MSI2: variants seen among roughly 807,000 people sequenced by gnomAD.
MSI2 encodes the protein RNA-binding protein Musashi homolog 2.
MSI2 carries 17 observed loss-of-function variants against 45.6 expected under a neutral mutation model. That is an observed-to-expected ratio of 0.37 (90% CI 0.26 to 0.56). The LOEUF (loss-of-function observed/expected upper bound fraction) is 0.56, where lower values mean the gene tolerates loss of function less well. Ranked by LOEUF, MSI2 falls within the 20% of genes least tolerant of loss-of-function variation. MSI2 has a pLI of 0.77. For missense variants in MSI2, 293 were observed against 444.2 expected, an observed-to-expected ratio of 0.66 and a Z score of 3.06; for synonymous variants, 156 against 158.2, an observed-to-expected ratio of 0.99 and a Z score of 0.11.
chr17:57,432,215 A>T (rs1271695408), intron 6 of MSI2, among the ~76,000 whole-genome samples: 1 of 152,162 alleles, frequency 6.6e-6, no homozygotes, highest in Non-Finnish European at 1.5e-5. Context: ...AAGGGATTTT[A>T]GTTTCCTTGT....
At chr17:57,488,544 C>T (rs188631367) in intron 6 of MSI2, among the ~76,000 whole-genome samples, 39 of 152,140 alleles carry the variant, frequency 2.6e-4, no homozygotes, top group African/African-American at 1.7e-4. Context: ...AGATCCTGGC[C>T]GGGCGCAGTG....
chr17:57,572,099 C>A (rs2087894164), intron 7 of MSI2, among the ~76,000 whole-genome samples: 1 of 152,206 alleles, frequency 6.6e-6, no homozygotes, highest in Non-Finnish European at 1.5e-5. Context: ...CAAGTCAGGA[C>A]AGGTGACCCT....
intron 9 of MSI2, among the ~76,000 whole-genome samples, chr17:57,619,817 C>CT (rs1190289439): frequency 3.3e-5 from 5 of 152,208 alleles, no homozygotes; most frequent in Non-Finnish European, 7.3e-5. Flanking sequence ...CTGCCCAGCT[C>CT]TTCCCCCGTC....
Position 57,596,616 on chromosome 17 carries a change from C to A in MSI2, c.455-252C>A, listed in dbSNP as rs570169955. On this transcript the variant is annotated intron_variant, in intron 7 of 13. Coordinates refer to ENST00000284073, the MANE Select transcript of MSI2 (RefSeq NM_138962.4). The surrounding 1 kb of genome is among the most constrained non-coding windows in gnomAD (Gnocchi z 4.6). ...AGACAAGTAAATTTCTTGTTTGCTTCGGGGCAAATGTAAACCACACAGTGC... is the reference window on the plus strand; with the variant it reads ...AGACAAGTAAATTTCTTGTTTGCTTAGGGGCAAATGTAAACCACACAGTGC... Among the ~76,000 whole-genome samples the A allele has an allele frequency of 6.6e-6, 1 of 152,322 alleles. No homozygotes were observed. Among genetic ancestry groups the A allele is most frequent in the South Asian group, 2.1e-4 (1 of 4,830 alleles).
intron 7 of MSI2, among the ~76,000 whole-genome samples, chr17:57,582,598 A>G (rs533633575): frequency 1.3e-5 from 2 of 152,314 alleles, no homozygotes; most frequent in South Asian, 2.1e-4. Context: ...ACCTCACAAG[A>G]TAAACAGATC....
At chr17:57,288,304 C>T (rs1411488410) in intron 5 of MSI2, among the ~76,000 whole-genome samples, 4 of 152,176 alleles carry the variant, frequency 2.6e-5, no homozygotes, top group Non-Finnish European at 4.4e-5. Context: ...CAGCTGTTGT[C>T]GCTGGGACAG....
intron 7 of MSI2, among the ~76,000 whole-genome samples, chr17:57,593,371 C>T (rs8078313): frequency 2.0e-5 from 3 of 152,038 alleles, no homozygotes; most frequent in African/African-American, 4.8e-5. Flanking sequence ...CTGCACTCCC[C>T]CAAGAGGTTC....
intron 6 of MSI2, among the ~76,000 whole-genome samples, chr17:57,497,825 A>C (rs570731927): frequency 2.2e-4 from 34 of 152,282 alleles, no homozygotes. Context: ...CAAGCTGATG[A>C]CAGCGTCAGC....
At chr17:57,380,967 C>T (rs1431297522) in intron 5 of MSI2, among the ~76,000 whole-genome samples, 1 of 152,176 alleles carries the variant, frequency 6.6e-6, no homozygotes, top group African/African-American at 2.4e-5. Flanking sequence ...TCTGGCTCCC[C>T]TGACCCCCAT....
chr17:57,527,468 G>GGA lies in MSI2; in HGVS notation c.406-2207_406-2206insAG, dbSNP rs2086728280. Among the ~76,000 whole-genome samples the GGA allele has an allele frequency of 2.1e-5, 3 of 144,664 alleles. No homozygotes were observed. In the South Asian group the frequency reaches 6.6e-4, roughly 32 times the overall value. The allele number at this position is 144,664 out of a possible 152,430, so 94.9% of individuals were successfully genotyped here. ...GTGGCCCCAGCAGGTTACCGTCGGC[G>GGA]GGGGCTCTTGAAGCCTGCCCAAAAG... On this transcript the variant is annotated intron_variant, in intron 6 of 13. Transcript: ENST00000284073.
At chr17:57,446,098 C>G (rs978085366) in intron 6 of MSI2, among the ~76,000 whole-genome samples, 3 of 151,976 alleles carry the variant, frequency 2.0e-5, no homozygotes, top group Non-Finnish European at 4.4e-5. Flanking sequence ...TGATACCGAT[C>G]GGTGCAGAGG....
chr17:57,517,098 A>G (rs1026852706), intron 6 of MSI2, among the ~76,000 whole-genome samples: 2 of 152,354 alleles, frequency 1.3e-5, no homozygotes, highest in Non-Finnish European at 1.5e-5. Flanking sequence ...TCGGAATTCA[A>G]AAGTAGCAAA....
chr17:57,661,638 G>C (rs56970834), intron 11 of MSI2, among the ~76,000 whole-genome samples: 1,945 of 152,306 alleles, frequency 0.013, 39 homozygotes, highest in African/African-American at 0.044. Flanking sequence ...TGAGAAAGCA[G>C]ACACAGGAGG....
At chr17:57,299,227 G>A (rs1045503071) in intron 5 of MSI2, among the ~76,000 whole-genome samples, 13 of 152,300 alleles carry the variant, frequency 8.5e-5, no homozygotes, top group East Asian at 5.8e-4. Context: ...AACTTTCTCC[G>A]TATCAGCAAT....
chr17:57,393,459 C>T (rs1361235023), intron 5 of MSI2, among the ~76,000 whole-genome samples: 2 of 152,142 alleles, frequency 1.3e-5, no homozygotes, highest in East Asian at 1.9e-4. Flanking sequence ...GTCAGTACCT[C>T]GTTCCTTTTT....
chr17:57,564,873 T>C (rs2087689530), intron 7 of MSI2, among the ~76,000 whole-genome samples: 5 of 152,344 alleles, frequency 3.3e-5, no homozygotes, highest in Admixed American at 2.0e-4. Flanking sequence ...TTTTATCCAT[T>C]GGACAGTACC....
chr17:57,315,207 G>T lies in MSI2; in HGVS notation c.312+53015G>T, dbSNP rs1912754610. Among the ~76,000 whole-genome samples, 3 of 152,204 alleles carry T rather than the reference G, an allele frequency of 2.0e-5. No homozygotes were observed. The South Asian group carries it at 6.2e-4, about 31-fold the overall frequency. On this transcript the variant is annotated intron_variant, in intron 5 of 13. Coordinates refer to ENST00000284073, the MANE Select transcript of MSI2 (RefSeq NM_138962.4). ...TCTTGACCAAGAGCAGGAGCTCATG[G>T]TCTTTGGAGCCAAAAGCAGCCCTGC...
At chr17:57,502,843 A>G (rs532281537) in intron 6 of MSI2, among the ~76,000 whole-genome samples, 13 of 151,880 alleles carry the variant, frequency 8.6e-5, no homozygotes, top group Admixed American at 8.5e-4. Flanking sequence ...CCCACCCTCC[A>G]TGGCCCCCAA....
Position 57,679,716 on chromosome 17 carries a change from T to A in MSI2, c.*199T>A. Reference sequence around the variant, plus strand: ...ATCTCATCATCTCACGAATCTGCTGTAATATAAGACAACAGCTTTTAAATG... The same window carrying A: ...ATCTCATCATCTCACGAATCTGCTGAAATATAAGACAACAGCTTTTAAATG... On this transcript the variant is annotated 3_prime_UTR_variant, in exon 14 of 14. Transcript: ENST00000284073. The A allele has an allele frequency of 1.7e-6, 1 of 581,326 alleles. No individual in the cohort carries two copies. The highest frequency in any genetic ancestry group is 2.3e-6 in the Non-Finnish European group (1 of 436,282). 36.0% of individuals were successfully genotyped at this position (581,326 alleles called of 1,614,324 possible). A position where few individuals can be genotyped will look rare whatever the true frequency, so the allele number is the denominator to read the frequency against.
Sources: gnomAD v4.1 joint callset for allele counts (sites outside exome capture counted in the v4.1 genomes callset) on GRCh38, gnomAD v4.1.1 for gene constraint, Gnocchi (gnomAD v3.1) non-coding constraint, MANE v1.5 for transcripts, NCBI Gene and HGNC (gene_info 2026-07-23, HGNC 2026-07-21) for gene names.